The following MAST2 variants were observed in gnomAD, a reference collection of about 807,000 sequenced individuals.
MAST2 encodes the protein microtubule associated serine/threonine kinase 2.
In MAST2, 70 loss-of-function variants were observed where a neutral mutation model predicts 147.4. The ratio of observed to expected loss-of-function variants is 0.47; its 90% CI spans 0.39 to 0.58. MAST2 has a LOEUF of 0.58. Among genes scored for constraint, MAST2 ranks in the 20% least tolerant of loss-of-function variants. MAST2 has a pLI of 0.00. For missense variants in MAST2, 2,080 were observed against 2,302.3 expected (o/e 0.90, Z 1.98); for synonymous variants, 869 against 896.8 (o/e 0.97, Z 0.55).
intron 5 of MAST2, among the ~76,000 whole-genome samples, chr1:45,974,882 A>C (rs1644071120): frequency 6.6e-6 from 1 of 152,228 alleles, no homozygotes; most frequent in South Asian, 2.1e-4. Flanking sequence ...TGATAAAAAG[A>C]ATGTGAGTGA....
At chr1:45,885,256 G>A (rs1294137974) in intron 4 of MAST2, among the ~76,000 whole-genome samples, 1 of 152,170 alleles carries the variant, frequency 6.6e-6, no homozygotes, top group African/African-American at 2.4e-5. Context: ...TCCCAAGAGC[G>A]AATCCTATGG....
chr1:46,025,155 C>G (rs578083031), intron 15 of MAST2, among the ~76,000 whole-genome samples: 1 of 151,972 alleles, frequency 6.6e-6, no homozygotes, highest in Non-Finnish European at 1.5e-5. Flanking sequence ...CCCGTCTCTA[C>G]AAAAAATGCA....
intron 3 of MAST2, among the ~76,000 whole-genome samples, chr1:45,881,702 T>A (rs1646852449): frequency 6.6e-6 from 1 of 152,176 alleles, no homozygotes; most frequent in South Asian, 2.1e-4. Flanking sequence ...TCTGTATGCT[T>A]GCCACTAATG....
At chr1:45,993,807 T>C (rs1644942195) in intron 5 of MAST2, among the ~76,000 whole-genome samples, 1 of 152,134 alleles carries the variant, frequency 6.6e-6, no homozygotes, top group Admixed American at 6.5e-5. Flanking sequence ...AGCAGAAGTT[T>C]GGGGGTTCCC....
chr1:45,860,979 C>T (rs537582198), intron 3 of MAST2, among the ~76,000 whole-genome samples: 2 of 152,314 alleles, frequency 1.3e-5, no homozygotes, highest in East Asian at 3.9e-4. Flanking sequence ...TCTGCCTTGT[C>T]ATACCTCTGA....
intron 3 of MAST2, among the ~76,000 whole-genome samples, chr1:45,866,767 A>G (rs1646169173): frequency 6.6e-6 from 1 of 150,582 alleles, no homozygotes; most frequent in Non-Finnish European, 1.5e-5. Context: ...TTTGAGATGG[A>G]GTCTCACTCT....
chr1:45,941,183 AGTTT>A (rs1265046093), intron 4 of MAST2, among the ~76,000 whole-genome samples: 4 of 152,188 alleles, frequency 2.6e-5, no homozygotes, highest in Non-Finnish European at 5.9e-5. Flanking sequence ...TCATATAATC[AGTTT>A]TTCACACATG....
intron 4 of MAST2, among the ~76,000 whole-genome samples, chr1:45,893,808 A>G (rs1399591489): frequency 1.3e-5 from 2 of 152,210 alleles, no homozygotes; most frequent in Non-Finnish European, 1.5e-5. Flanking sequence ...GTCTTCTGGT[A>G]GATAACTTTT....
At chr1:45,841,177 C>A (rs1645262662) in intron 3 of MAST2, among the ~76,000 whole-genome samples, 1 of 152,098 alleles carries the variant, frequency 6.6e-6, no homozygotes, top group Admixed American at 6.6e-5. Flanking sequence ...TGGTCTCAAA[C>A]TTCTGGGCTC....
intron 4 of MAST2, among the ~76,000 whole-genome samples, chr1:45,926,847 C>T (rs1383001752): frequency 6.6e-6 from 1 of 151,924 alleles, no homozygotes; most frequent in Non-Finnish European, 1.5e-5. Context: ...TTTTCATAGA[C>T]CCTGGCTCCA....
chr1:45,837,754 C>T lies in MAST2; in HGVS notation c.468+8173C>T, dbSNP rs146417711. ...TTTTGCATTTCCACCAGCAGTTGCT[C>T]CACATCTTATCAGTACTAGGTATTA... On this transcript the variant is annotated intron_variant, in intron 3 of 28. Coordinates refer to ENST00000361297, the MANE Select transcript of MAST2 (RefSeq NM_015112.3). Among the ~76,000 whole-genome samples, 801 of 152,228 alleles carry T rather than the reference C, an allele frequency of 5.3e-3. 3 individuals carry two copies. The highest frequency in any genetic ancestry group is 6.8e-3 in the Middle Eastern group (2 of 294).
Position 45,845,077 on chromosome 1 carries a change from A to G in MAST2, c.468+15496A>G, listed in dbSNP as rs539181748. 1.5e-4 allele frequency among the ~76,000 whole-genome samples: 23 copies of G among 152,314 alleles called. No individual in the cohort carries two copies. The South Asian group carries it at 4.3e-3, about 29-fold the overall frequency. ...AGGCCAAATCTCCCACCACTGTTGC[A>G]TTGGAAATTAAATTTCCAGCACATG... is the stretch of plus-strand genomic sequence containing the variant. On this transcript the variant is annotated intron_variant, in intron 3 of 28. Transcript: ENST00000361297.
chr1:45,917,959 CT>C (rs1389241880), intron 4 of MAST2, among the ~76,000 whole-genome samples: 2 of 152,302 alleles, frequency 1.3e-5, no homozygotes, highest in African/African-American at 4.8e-5. Flanking sequence ...TCTTCCTTTT[CT>C]TATATTCAAC....
rs899701840 is a variant in MAST2, at chr1:46,000,190, T to G, written c.668+2391T>G. 6.6e-5 allele frequency among the ~76,000 whole-genome samples: 10 copies of G among 152,094 alleles called. No individual in the cohort carries two copies. In the East Asian group the frequency reaches 1.3e-3, roughly 21 times the overall value. The stretch of plus-strand genomic sequence containing the variant: ...TTAGCCGGGCATGGTGGTGCAGGTC[T>G]GTAATCCTAGCTGCTCGGGAGGCTG... On this transcript the variant is annotated intron_variant, in intron 6 of 28. Coordinates refer to ENST00000361297, the MANE Select transcript of MAST2 (RefSeq NM_015112.3).
At chr1:45,804,529 C>CT (rs1389588929) in intron 1 of MAST2, among the ~76,000 whole-genome samples, 3 of 152,194 alleles carry the variant, frequency 2.0e-5, no homozygotes, top group African/African-American at 7.2e-5. Context: ...CATCATTATA[C>CT]TTTTGTACCA....
chr1:45,926,488 G>A lies in MAST2; in HGVS notation c.501-32898G>A, dbSNP rs540768959. ...GGCTTAGGTGAGGCAGTGGCAGCTGGGTGCCCTCCTGCCCTCTCATGCATT... is the reference window on the plus strand; with the variant it reads ...GGCTTAGGTGAGGCAGTGGCAGCTGAGTGCCCTCCTGCCCTCTCATGCATT... On this transcript the variant is annotated intron_variant, in intron 4 of 28. Transcript: ENST00000361297. 3.9e-5 allele frequency among the ~76,000 whole-genome samples: 6 copies of A among 152,280 alleles called. No individual in the cohort carries two copies. The East Asian group carries it at 1.2e-3, about 29-fold the overall frequency.
chr1:45,905,100 C>T (rs1216351904), intron 4 of MAST2, among the ~76,000 whole-genome samples: 2 of 151,974 alleles, frequency 1.3e-5, no homozygotes, highest in Non-Finnish European at 2.9e-5. Flanking sequence ...CATGAGCCAG[C>T]GCACCTGGTC....
At chr1:45,964,460 G>A (rs925996463) in intron 5 of MAST2, among the ~76,000 whole-genome samples, 2 of 152,048 alleles carry the variant, frequency 1.3e-5, no homozygotes, top group Non-Finnish European at 2.9e-5. Context: ...GGTATGTGTC[G>A]AGGAATTTAT....
chr1:45,970,226 C>G (rs1391334197), intron 5 of MAST2, among the ~76,000 whole-genome samples: 1 of 152,130 alleles, frequency 6.6e-6, no homozygotes, highest in Non-Finnish European at 1.5e-5. Flanking sequence ...ATAAAACTTA[C>G]AAAAATTTGG....
Sources: gnomAD v4.1 joint callset for allele counts (sites outside exome capture counted in the v4.1 genomes callset) on GRCh38, gnomAD v4.1.1 for gene constraint, MANE v1.5 for transcripts, NCBI Gene and HGNC (gene_info 2026-07-23, HGNC 2026-07-21) for gene names.